The following CYP2C19 variants were observed in gnomAD, a reference collection of about 807,000 sequenced individuals.
The protein encoded by CYP2C19 is cytochrome P450 family 2 subfamily C member 19, also known as cytochrome P450 2C19.
A neutral mutation model predicts 40.9 loss-of-function variants in CYP2C19; 59 were observed. That is an observed-to-expected ratio of 1.44 (90% confidence interval 1.17 to 1.79). The LOEUF (loss-of-function observed/expected upper bound fraction) is 1.79, where lower values mean the gene tolerates loss of function less well. Ranked by LOEUF, CYP2C19 falls within the 40% of genes most tolerant of loss-of-function variation. The pLI, the probability that CYP2C19 is intolerant of heterozygous loss-of-function variation, is 0.00. For synonymous variants in CYP2C19, 253 were observed against 208.7 expected, an observed-to-expected ratio of 1.21 and a Z score of -1.83; for missense variants, 754 against 596.9, an observed-to-expected ratio of 1.26 and a Z score of -2.74.
intron 4 of CYP2C19, among the ~76,000 whole-genome samples, chr10:94,780,869 C>T (rs1428427028): frequency 6.6e-6 from 1 of 152,062 alleles, no homozygotes; most frequent in South Asian, 2.1e-4. Flanking sequence ...GGCTTCTAAG[C>T]CCATTAGCTC....
intron 7 of CYP2C19, among the ~76,000 whole-genome samples, chr10:94,844,466 T>G (rs925777382): frequency 6.6e-6 from 1 of 152,210 alleles, no homozygotes; most frequent in Non-Finnish European, 1.5e-5. Context: ...GCTTTACAAT[T>G]GCCTTCTATC....
chr10:94,837,116 T>C (rs1433031375), intron 6 of CYP2C19, among the ~76,000 whole-genome samples: 2 of 152,142 alleles, frequency 1.3e-5, no homozygotes, highest in Non-Finnish European at 2.9e-5. Flanking sequence ...AAGCAGAGTA[T>C]AAGGGCTGGG....
chr10:94,788,826 A>G (rs550946599), intron 5 of CYP2C19, among the ~76,000 whole-genome samples: 1 of 152,286 alleles, frequency 6.6e-6, no homozygotes, highest in African/African-American at 2.4e-5. Flanking sequence ...ATGTGTCTTT[A>G]TAGTAGAAGG....
At chr10:94,795,874 T>G (rs567796274) in intron 5 of CYP2C19, among the ~76,000 whole-genome samples, 8 of 152,102 alleles carry the variant, frequency 5.3e-5, no homozygotes, top group African/African-American at 1.9e-4. Context: ...ATTTGTTTGA[T>G]TTCTTTGTAG....
Position 94,843,033 on chromosome 10 carries a change from G to T in CYP2C19, c.1149+9G>T, listed in dbSNP as rs1198432184. 6 of 1,613,934 alleles carry T rather than the reference G, an allele frequency of 3.7e-6. No individual in the cohort carries two copies. Among genetic ancestry groups the T allele is most frequent in the South Asian group, 1.1e-5 (1 of 91,078 alleles). The stretch of plus-strand genomic sequence containing the variant: ...ACTACCTCATTCCCAAGGTAAGTTT[G>T]TTTCTCCTACACTGCAACTCCATGT... On this transcript the variant is annotated intron_variant, in intron 7 of 8. Transcript: ENST00000371321.
chr10:94,854,630 T>A lies in CYP2C19; in HGVS notation c.*1716T>A, dbSNP rs1849704928. 6.6e-6 allele frequency among the ~76,000 whole-genome samples: 1 copy of A among 152,112 alleles called. No homozygotes were observed. The highest frequency in any genetic ancestry group is 1.5e-5 in the Non-Finnish European group (1 of 68,026). On this transcript the variant is annotated 3_prime_UTR_variant, in exon 9 of 9. Coordinates refer to ENST00000371321, the MANE Select transcript of CYP2C19 (RefSeq NM_000769.4). ...GATAATATATGGGTACAGATGTACA[T>A]GTACATCTATGCATGTGTGTGTACA...
intron 7 of CYP2C19, among the ~76,000 whole-genome samples, chr10:94,848,379 G>A (rs1260366239): frequency 6.6e-6 from 1 of 152,200 alleles, no homozygotes; most frequent in African/African-American, 2.4e-5. Flanking sequence ...TCAAAGATCA[G>A]ATCATTGTAG....
chr10:94,836,622 AC>A (rs1168141818), intron 6 of CYP2C19, among the ~76,000 whole-genome samples: 1 of 152,112 alleles, frequency 6.6e-6, no homozygotes, highest in Non-Finnish European at 1.5e-5. Flanking sequence ...ATGCCAAGGA[AC>A]CCTCTTAGTT....
At chr10:94,813,248 C>T (rs561424652) in intron 5 of CYP2C19, among the ~76,000 whole-genome samples, 2 of 152,208 alleles carry the variant, frequency 1.3e-5, no homozygotes, top group Admixed American at 6.5e-5. Context: ...GAAGCTTCGT[C>T]CTAGAGGGAC....
chr10:94,850,808 A>G (rs1442371718), intron 8 of CYP2C19, among the ~76,000 whole-genome samples: 1 of 152,156 alleles, frequency 6.6e-6, no homozygotes, highest in Non-Finnish European at 1.5e-5. Flanking sequence ...ATAACCATGG[A>G]TGGGATCAGG....
At chr10:94,820,288 T>G (rs1290419215) in intron 5 of CYP2C19, among the ~76,000 whole-genome samples, 1 of 152,074 alleles carries the variant, frequency 6.6e-6, no homozygotes, top group East Asian at 1.9e-4. Flanking sequence ...AATATCATAC[T>G]GAATGGGCAA....
At chr10:94,790,639 G>A (rs994328084) in intron 5 of CYP2C19, among the ~76,000 whole-genome samples, 11 of 152,076 alleles carry the variant, frequency 7.2e-5, no homozygotes, top group Admixed American at 7.2e-4. Context: ...TTATATGATG[G>A]ATTACGTTTA....
At chr10:94,825,950 C>G (rs1849212644) in intron 6 of CYP2C19, among the ~76,000 whole-genome samples, 1 of 151,198 alleles carries the variant, frequency 6.6e-6, no homozygotes, top group South Asian at 2.1e-4. Context: ...TCAGGTTTGT[C>G]AAAGATCAGA....
intron 5 of CYP2C19, among the ~76,000 whole-genome samples, chr10:94,788,361 T>C (rs995070508): frequency 5.9e-5 from 9 of 152,074 alleles, no homozygotes; most frequent in Non-Finnish European, 7.4e-5. Context: ...AAGATTAGCC[T>C]TGTACTCTTG....
At chr10:94,796,845 T>A (rs2134249836) in intron 5 of CYP2C19, among the ~76,000 whole-genome samples, 1 of 152,306 alleles carries the variant, frequency 6.6e-6, no homozygotes, top group African/African-American at 2.4e-5. Flanking sequence ...TGATTTTGTA[T>A]CCTGAGACTT....
At chr10:94,846,280 G>C (rs1229778327) in intron 7 of CYP2C19, among the ~76,000 whole-genome samples, 2 of 152,050 alleles carry the variant, frequency 1.3e-5, no homozygotes, top group African/African-American at 4.8e-5. Flanking sequence ...CTTCGGGCTT[G>C]TTTTGTATAA....
At chr10:94,796,910 C>G (rs1165456798) in intron 5 of CYP2C19, among the ~76,000 whole-genome samples, 2 of 152,200 alleles carry the variant, frequency 1.3e-5, no homozygotes, top group African/African-American at 4.8e-5. Context: ...ATGTGGTTTT[C>G]TAGTTACACA....
At chr10:94,801,881 CTGTGGACCTT>C (rs1203238144) in intron 5 of CYP2C19, among the ~76,000 whole-genome samples, 3 of 152,174 alleles carry the variant, frequency 2.0e-5, no homozygotes, top group Non-Finnish European at 4.4e-5. Context: ...AGAAATGAAG[CTGTGGACCTT>C]TGTGGTGAGT....
intron 1 of CYP2C19, among the ~76,000 whole-genome samples, chr10:94,763,621 G>A (rs947604569): frequency 2.6e-5 from 4 of 151,938 alleles, no homozygotes; most frequent in Admixed American, 1.3e-4. Context: ...TAAGCATGAT[G>A]GTATGATCAG....
Sources: allele counts gnomAD v4.1 joint callset (sites outside exome capture counted in the v4.1 genomes callset), GRCh38; gene constraint gnomAD v4.1.1; transcripts MANE v1.5; gene names NCBI Gene and HGNC (gene_info 2026-07-23, HGNC 2026-07-21).